LIN54: variants seen among roughly 807,000 people sequenced by gnomAD.
The protein encoded by LIN54 is protein lin-54 homolog.
In LIN54, 9 loss-of-function variants were observed where a neutral mutation model predicts 78.7. That is an observed-to-expected ratio of 0.11 (90% CI 0.07 to 0.20). The LOEUF is 0.20. Ranked by LOEUF, LIN54 falls within the 10% of genes least tolerant of loss-of-function variation. The pLI, the probability that LIN54 is intolerant of heterozygous loss-of-function variation, is 1.00. For synonymous variants in LIN54, 269 were observed against 318.4 expected (o/e 0.84, Z 1.65); for missense variants, 573 against 889.9 (o/e 0.64, Z 4.53).
intron 3 of LIN54, among the ~76,000 whole-genome samples, chr4:82,974,226 C>CA (rs1022886402): frequency 8.7e-4 from 123 of 141,356 alleles, no homozygotes; most frequent in Middle Eastern, 3.5e-3. Context: ...ACAAACAAAC[C>CA]AAAAAAAAAA....
intron 1 of LIN54, among the ~76,000 whole-genome samples, chr4:83,000,827 C>CTTTTTTTCTTTTTTTTTTT (rs528409899): frequency 8.3e-6 from 1 of 120,540 alleles, no homozygotes; most frequent in Non-Finnish European, 1.6e-5. Context: ...GCAATAAATT[C>CTTTTTTTCTTTTTTTTTTT]TTTTTTTTTT....
chr4:82,946,132 G>T, intron 5 of LIN54, 126 bp downstream of exon 5: 2 of 760,258 alleles, frequency 2.6e-6, no homozygotes, highest in Non-Finnish European at 4.6e-6. Flanking sequence ...ACTGCCTTCT[G>T]CACCAGTTAC....
intron 5 of LIN54, among the ~76,000 whole-genome samples, chr4:82,941,168 A>ATC (rs1722843932): frequency 6.7e-6 from 1 of 149,332 alleles, no homozygotes; most frequent in African/African-American, 2.5e-5. Context: ...ATATATATAT[A>ATC]TATATATCGT....
Position 83,001,883 on chromosome 4 carries a change from G to GAAAGAA in LIN54, c.-33+8600_-33+8601insTTCTTT, listed in dbSNP as rs1481005594. 5.3e-4 allele frequency among the ~76,000 whole-genome samples: 2 copies of GAAAGAA among 3,762 alleles called. 1 individual carries two copies. The highest frequency in any genetic ancestry group is 7.8e-4 in the Non-Finnish European group (2 of 2,560). The allele number at this position is 3,762 out of a possible 152,430, so 2.5% of individuals were successfully genotyped here. A position where few individuals can be genotyped will look rare whatever the true frequency, so the allele number is the denominator to read the frequency against. ...AAAGGATAGGAAGGAAGGAAGGAAG[G>GAAAGAA]AAGGAAGGAAGGAGGGAGGGAGGGA... is the stretch of plus-strand genomic sequence containing the variant. On this transcript the variant is annotated intron_variant, in intron 1 of 12. Coordinates refer to ENST00000340417, the MANE Select transcript of LIN54 (RefSeq NM_194282.4).
chr4:83,004,763 T>G (rs1364065696), intron 1 of LIN54, among the ~76,000 whole-genome samples: 2 of 152,170 alleles, frequency 1.3e-5, no homozygotes. Flanking sequence ...CCTCCCAAGG[T>G]GCTGGGATTA....
intron 11 of LIN54, among the ~76,000 whole-genome samples, chr4:82,933,036 T>C (rs1052340945): frequency 3.1e-4 from 47 of 151,956 alleles, no homozygotes; most frequent in Non-Finnish European, 4.1e-4. Flanking sequence ...TATAAACACA[T>C]TTACTCTGCT....
At chr4:82,972,862 TC>T (rs918340657) in intron 3 of LIN54, among the ~76,000 whole-genome samples, 4 of 147,686 alleles carry the variant, frequency 2.7e-5, no homozygotes, top group African/African-American at 1.0e-4. Flanking sequence ...GCGTCTATAA[TC>T]CCAGCTACTC....
Position 82,970,319 on chromosome 4 carries a change from T to C in LIN54, c.951+8A>G. On this transcript the variant is annotated splice_region_variant and intron_variant, in intron 4 of 12. Transcript: ENST00000340417. ...TATTTGGTATTTGTGGCTAATTTAT[T>C]TTTTTACCTTATTTGGCGATTTCAA... is the stretch of plus-strand genomic sequence containing the variant. 1 of 1,604,444 alleles carries C rather than the reference T, an allele frequency of 6.2e-7. No homozygotes were observed. The highest frequency in any genetic ancestry group is 1.1e-5 in the South Asian group (1 of 88,962).
upstream of LIN54, chr4:83,012,143 T>C: frequency 2.0e-6 from 1 of 501,602 alleles, no homozygotes; most frequent in Non-Finnish European, 2.6e-6. Flanking sequence ...TAAAGTGTTC[T>C]CAATTACTTC....
intron 4 of LIN54, among the ~76,000 whole-genome samples, chr4:82,948,277 C>A (rs1723572310): frequency 6.6e-6 from 1 of 152,094 alleles, no homozygotes; most frequent in East Asian, 1.9e-4. Context: ...ACTTAATATG[C>A]ATGGAGGACA....
chr4:82,938,313 AG>A (rs918040048), intron 8 of LIN54, 99 bp downstream of exon 8: 1 of 713,076 alleles, frequency 1.4e-6, no homozygotes, highest in Admixed American at 2.3e-5. Flanking sequence ...CATGGCTTTA[AG>A]GGGAAAAAAA....
intron 4 of LIN54, among the ~76,000 whole-genome samples, chr4:82,960,187 C>T (rs1724671534): frequency 6.6e-6 from 1 of 151,976 alleles, no homozygotes; most frequent in South Asian, 2.1e-4. Context: ...TTTTTTGAGA[C>T]AGTCTTGCTC....
intron 1 of LIN54, among the ~76,000 whole-genome samples, chr4:82,990,906 C>T (rs1034714330): frequency 6.6e-6 from 1 of 152,136 alleles, no homozygotes; most frequent in Non-Finnish European, 1.5e-5. Flanking sequence ...GATGCTATAT[C>T]ATCCCAGGCT....
chr4:82,926,320 A>G lies in LIN54; in HGVS notation c.*1782T>C, dbSNP rs1226309981. 6.6e-6 allele frequency: 1 copy of G among 152,496 alleles called. No homozygotes were observed. The highest frequency in any genetic ancestry group is 6.6e-5 in the Admixed American group (1 of 15,246). 9.4% of individuals were successfully genotyped at this position (152,496 alleles called of 1,614,324 possible). On this transcript the variant is annotated 3_prime_UTR_variant, in exon 13 of 13. Coordinates refer to ENST00000340417, the MANE Select transcript of LIN54 (RefSeq NM_194282.4). ...ACATTTATACAAATTTTAATTAAAC[A>G]TACTAGATTGAGGTGCTAAGAATGT...
intron 4 of LIN54, among the ~76,000 whole-genome samples, chr4:82,955,822 A>G (rs1724282674): frequency 6.6e-6 from 1 of 152,126 alleles, no homozygotes; most frequent in Non-Finnish European, 1.5e-5. Context: ...TATCTTTTCT[A>G]TACATAAAGA....
rs75381580 is a variant in LIN54 at position 82,944,301 on chromosome 4, C to T, written c.1168+1957G>A. Among the ~76,000 whole-genome samples, 408 of 152,214 alleles carry T rather than the reference C, an allele frequency of 2.7e-3. 1 individual carries two copies. The highest frequency in any genetic ancestry group is 9.4e-3 in the African/African-American group (390 of 41,538). On this transcript the variant is annotated intron_variant, in intron 5 of 12. Coordinates refer to ENST00000340417, the MANE Select transcript of LIN54 (RefSeq NM_194282.4). ...AGGTTTAATCCATTATATGGATTCT[C>T]AGCATACTATTATACGCATACAAAC...
chr4:82,935,693 A>G (rs971989644), intron 11 of LIN54, among the ~76,000 whole-genome samples: 5 of 152,126 alleles, frequency 3.3e-5, no homozygotes, highest in Non-Finnish European at 7.3e-5. Context: ...TTTATTGAAA[A>G]TCAATATATT....
intron 4 of LIN54, among the ~76,000 whole-genome samples, chr4:82,947,394 TTG>T (rs57298736): frequency 0.031 from 3,807 of 124,518 alleles, 108 homozygotes; most frequent in African/African-American, 0.072. Context: ...CCCAGTTAAT[TTG>T]TGTGTGTGTG....
chr4:82,956,811 C>T (rs1374179189), intron 4 of LIN54, among the ~76,000 whole-genome samples: 1 of 151,880 alleles, frequency 6.6e-6, no homozygotes, highest in African/African-American at 2.4e-5. Flanking sequence ...AACATAGAGA[C>T]AGGGTCTCAC....
Sources: gnomAD v4.1 joint callset for allele counts (sites outside exome capture counted in the v4.1 genomes callset) on GRCh38, gnomAD v4.1.1 for gene constraint, MANE v1.5 for transcripts, NCBI Gene and HGNC (gene_info 2026-07-23, HGNC 2026-07-21) for gene names.